The following C2CD3 variants were observed in gnomAD, a reference collection of about 807,000 sequenced individuals.
C2CD3 encodes the protein C2 domain-containing protein 3.
In C2CD3, 148 loss-of-function variants were observed where a neutral mutation model predicts 234.0. The observed-to-expected ratio is 0.63, with a 90% CI of 0.55 to 0.72. C2CD3 has a LOEUF of 0.72. C2CD3 is among the 30% of genes least tolerant of loss of function. C2CD3 has a pLI of 0.00. For missense variants in C2CD3, 2,577 were observed against 2,811.5 expected (o/e 0.92, Z 1.89); for synonymous variants, 1,000 against 1,035.4 (o/e 0.97, Z 0.66).
intron 19 of C2CD3, chr11:74,091,201 A>G (rs568744276): frequency 2.2e-4 from 70 of 316,342 alleles, no homozygotes; most frequent in Non-Finnish European, 3.8e-4. Flanking sequence ...CTGAAGGCAG[A>G]ACTTAACTCC....
chr11:74,074,036 A>G (rs1402410772), intron 24 of C2CD3, among the ~76,000 whole-genome samples: 1 of 152,238 alleles, frequency 6.6e-6, no homozygotes, highest in Admixed American at 6.5e-5. Flanking sequence ...AAAGAGAAGT[A>G]TCTATCTAGG....
chr11:74,059,661 A>G (rs1207439283), intron 24 of C2CD3, among the ~76,000 whole-genome samples: 2 of 152,178 alleles, frequency 1.3e-5, no homozygotes, highest in East Asian at 3.8e-4. Flanking sequence ...TAGTCTTGAA[A>G]GAGGTTCCAA....
chr11:74,057,397 A>T lies in C2CD3; in HGVS notation c.5090+9T>A. ...TCTGGAAGGCTGACGAATAACGGAT[A>T]ACACAAACCTTGACTGCTGTTGAAA... On this transcript the variant is annotated intron_variant, in intron 25 of 32. Coordinates refer to ENST00000334126, the MANE Select transcript of C2CD3 (RefSeq NM_001286577.2). 1 of 1,614,136 alleles carries T rather than the reference A, an allele frequency of 6.2e-7. No homozygotes were observed. Among genetic ancestry groups the T allele is most frequent in the Non-Finnish European group, 8.5e-7 (1 of 1,179,988 alleles).
intron 22 of C2CD3, among the ~76,000 whole-genome samples, chr11:74,078,995 T>C (rs1361244394): frequency 1.3e-5 from 2 of 152,240 alleles, no homozygotes; most frequent in Admixed American, 6.5e-5. Context: ...TCAGATTTGG[T>C]TTCCTTACCT....
chr11:74,086,070 A>G (rs1175197927), intron 20 of C2CD3, among the ~76,000 whole-genome samples, 184 bp from the exon 21 acceptor site: 3 of 152,088 alleles, frequency 2.0e-5, no homozygotes, highest in Non-Finnish European at 4.4e-5. Context: ...ATCATGGCAT[A>G]TGTATATGGG....
At chr11:74,150,546 T>TTTGATTATGAAAAA (rs1555063142) in intron 3 of C2CD3, among the ~76,000 whole-genome samples, 1 of 126,892 alleles carries the variant, frequency 7.9e-6, no homozygotes, top group African/African-American at 3.2e-5. Flanking sequence ...TTTCTAAGCT[T>TTTGATTATGAAAAA]TTTAAAACAT....
At chr11:74,088,943 CT>C (rs1955769685) in intron 20 of C2CD3, among the ~76,000 whole-genome samples, 1 of 152,112 alleles carries the variant, frequency 6.6e-6, no homozygotes, top group Non-Finnish European at 1.5e-5. Context: ...CTGTATACAA[CT>C]TAGGAGGTTC....
chr11:74,142,651 TAAA>T (rs143528941), intron 3 of C2CD3, among the ~76,000 whole-genome samples: 2,648 of 152,188 alleles, frequency 0.017, 78 homozygotes, highest in African/African-American at 0.061. Flanking sequence ...CTTAGAATCT[TAAA>T]TACGAATGAG....
At chr11:74,151,822 C>G (rs895937163) in intron 3 of C2CD3, among the ~76,000 whole-genome samples, 1 of 151,488 alleles carries the variant, frequency 6.6e-6, no homozygotes, top group Non-Finnish European at 1.5e-5. Context: ...TATAGATGCT[C>G]CTAATGCTTA....
chr11:74,084,938 C>T lies in C2CD3; in HGVS notation c.3943G>A (p.Glu1315Lys). 16 of 1,612,186 alleles carry T rather than the reference C, an allele frequency of 9.9e-6. No homozygotes were observed. Among genetic ancestry groups the T allele is most frequent in the Non-Finnish European group, 1.4e-5 (16 of 1,178,358 alleles). ...SDIISIESCK[E>K]YLLGVVKVPT... ...ACTTTTACTACTCCAAGCAGATACT[C>T]TTTGCATGACTCAATACTGATTATA... is the stretch of plus-strand genomic sequence containing the variant. Residue 1315 changes from glutamate (E) to lysine (K), a missense_variant, in exon 22 of 33, where the codon GAG (glutamate) becomes AAG (lysine). Physicochemically the swap from Glu to Lys is moderately conservative, Grantham distance 56. Transcript: ENST00000334126.
intron 20 of C2CD3, among the ~76,000 whole-genome samples, chr11:74,087,837 G>A (rs1447760180): frequency 6.6e-6 from 1 of 152,152 alleles, no homozygotes; most frequent in Non-Finnish European, 1.5e-5. Context: ...TAGCTTCACG[G>A]CATTTAAAGA....
chr11:74,027,654 G>A lies in C2CD3; in HGVS notation c.6921+633C>T, dbSNP rs79700141. ...TGTGCTCCATGAAGATAGGGAATTTGTCTGTCTTATTTACTACTATATGCT... is the reference window on the plus strand; with the variant it reads ...TGTGCTCCATGAAGATAGGGAATTTATCTGTCTTATTTACTACTATATGCT... On this transcript the variant is annotated intron_variant, in intron 32 of 32. Coordinates refer to ENST00000334126, the MANE Select transcript of C2CD3 (RefSeq NM_001286577.2). 2.8e-4 allele frequency among the ~76,000 whole-genome samples: 43 copies of A among 152,214 alleles called. No individual in the cohort carries two copies. The East Asian group carries it at 5.4e-3, about 19-fold the overall frequency.
chr11:74,144,361 C>T (rs1855018135), intron 3 of C2CD3, among the ~76,000 whole-genome samples: 1 of 152,168 alleles, frequency 6.6e-6, no homozygotes, highest in African/African-American at 2.4e-5. Context: ...ATGAGAGGGT[C>T]ACTCATCAAA....
intron 29 of C2CD3, 115 bp downstream of exon 29, chr11:74,041,939 A>G: frequency 1.0e-6 from 1 of 987,646 alleles, no homozygotes; most frequent in Non-Finnish European, 1.5e-6. Flanking sequence ...AGAGCCCTCT[A>G]CTAATGTTCC....
At chr11:74,069,162 T>C (rs905710569) in intron 24 of C2CD3, among the ~76,000 whole-genome samples, 1 of 152,232 alleles carries the variant, frequency 6.6e-6, no homozygotes, top group Non-Finnish European at 1.5e-5. Context: ...ATTTTGACTT[T>C]GGAAGAAGAT....
rs145062279 is a variant in C2CD3 at position 74,168,538 on chromosome 11, G to T, written c.131C>A (p.Thr44Asn). 4.7e-4 allele frequency: 753 copies of T among 1,614,062 alleles called. 7 individuals are homozygous for T. In the East Asian group the frequency reaches 0.014, roughly 31 times the overall value. The change falls in exon 2 of 33, where the codon ACT (threonine) becomes AAT (asparagine). Residue 44 changes from threonine to asparagine, a missense_variant. By Grantham distance (65) the Thr-to-Asn change is moderately conservative (BLOSUM62 0). Transcript: ENST00000334126. The part of the protein sequence containing the change: ...EGQLRCFLKL[T>N]VNRVIWKIAK... The stretch of plus-strand genomic sequence containing the variant: ...AATCTTCCATATGACTCTATTAACA[G>T]TAAGTTTTAGAAAACAGCGTAGCTG...
intron 12 of C2CD3, 31 bp from the exon 13 acceptor site, chr11:74,106,524 TAA>T: frequency 6.2e-7 from 1 of 1,605,350 alleles, no homozygotes; most frequent in South Asian, 1.1e-5. Context: ...ACATTTAGAT[TAA>T]TTAAAGAGAA....
At chr11:74,141,043 G>A (rs117340404) in intron 3 of C2CD3, among the ~76,000 whole-genome samples, 12 of 152,304 alleles carry the variant, frequency 7.9e-5, no homozygotes, top group African/African-American at 2.9e-4. Context: ...TAGTAGCGCT[G>A]AAAGTTCAGT....
chr11:74,029,026 C>T (rs545978733), intron 31 of C2CD3, among the ~76,000 whole-genome samples: 96 of 152,308 alleles, frequency 6.3e-4, no homozygotes, highest in Non-Finnish European at 1.1e-3. Context: ...CTGTCCATGA[C>T]GGGACATGTC....
Sources: allele counts gnomAD v4.1 joint callset (sites outside exome capture counted in the v4.1 genomes callset), GRCh38; gene constraint gnomAD v4.1.1; transcripts MANE v1.5; gene names NCBI Gene and HGNC (gene_info 2026-07-23, HGNC 2026-07-21).